Variants in CUX1 observed in about 807,000 individuals in gnomAD.
CUX1 encodes the protein cut like homeobox 1, also known as protein CASP.
Under a neutral mutation model 158.8 loss-of-function variants are expected in CUX1, and 31 were observed. That is an observed-to-expected ratio of 0.20 (90% CI 0.15 to 0.26). CUX1 has a LOEUF of 0.26. Among genes scored for constraint, CUX1 ranks in the 10% least tolerant of loss-of-function variants. The pLI is 1.00. For missense variants in CUX1, 1,589 were observed against 2,014.6 expected (o/e 0.79, Z 4.04); for synonymous variants, 879 against 862.1 (o/e 1.02, Z -0.34).
chr7:102,282,342 C>A (rs1477628538), intron 21 of CUX1, among the ~76,000 whole-genome samples: 1 of 152,176 alleles, frequency 6.6e-6, no homozygotes, highest in African/African-American at 2.4e-5. Context: ...GCCTCCATGT[C>A]TGCCAAGTTG....
intron 21 of CUX1, among the ~76,000 whole-genome samples, chr7:102,230,216 C>T (rs531732351): frequency 6.6e-6 from 1 of 152,124 alleles, no homozygotes; most frequent in South Asian, 2.1e-4. Context: ...GACAGGTGGC[C>T]TGTAACCCTA....
At chr7:101,825,809 G>C (rs57521301) in intron 1 of CUX1, among the ~76,000 whole-genome samples, 1 of 146,270 alleles carries the variant, frequency 6.8e-6, no homozygotes, top group Non-Finnish European at 1.5e-5. Context: ...GCGCGCGCGC[G>C]CGCAGTTAGT....
chr7:101,819,370 G>A (rs1401404474), intron 1 of CUX1, among the ~76,000 whole-genome samples: 3 of 152,206 alleles, frequency 2.0e-5, no homozygotes, highest in African/African-American at 7.2e-5. Flanking sequence ...GACGGGGCCC[G>A]CCAATGACTG....
intron 2 of CUX1, among the ~76,000 whole-genome samples, chr7:101,978,517 C>T (rs1003733165): frequency 4.6e-5 from 7 of 152,272 alleles, no homozygotes; most frequent in Admixed American, 1.3e-4. Flanking sequence ...CCACCACTTC[C>T]GTTCTTGGCT....
Position 101,908,360 on chromosome 7 carries a change from G to T in CUX1, c.31-7755G>T, listed in dbSNP as rs573840256. The stretch of plus-strand genomic sequence containing the variant: ...AGGGTTTCGCCATATTGGCCAGGCT[G>T]GTCTGGAACTCCTGACCTCAGGTGA... On this transcript the variant is annotated intron_variant, in intron 1 of 23. Coordinates refer to ENST00000292535, the MANE Select transcript of CUX1 (RefSeq NM_181552.4). Among the ~76,000 whole-genome samples the T allele has an allele frequency of 4.9e-3, 751 of 152,244 alleles. 4 individuals are homozygous for T. Among genetic ancestry groups the T allele is most frequent in the Non-Finnish European group, 8.1e-3 (548 of 68,016 alleles).
At chr7:101,874,411 A>G (rs1798896219) in intron 1 of CUX1, among the ~76,000 whole-genome samples, 1 of 152,050 alleles carries the variant, frequency 6.6e-6, no homozygotes, top group Admixed American at 6.6e-5. Flanking sequence ...GTGATTTGGA[A>G]CTCCCTGGGA....
At chr7:102,063,383 CTTTTTTTTTTT>C (rs11368644) in intron 3 of CUX1, among the ~76,000 whole-genome samples, 50 of 89,276 alleles carry the variant, frequency 5.6e-4, no homozygotes, top group Admixed American at 8.3e-4. Flanking sequence ...ATTTCCTTTT[CTTTTTTTTTTT>C]TTTTTTTTTT....
intron 8 of CUX1, among the ~76,000 whole-genome samples, chr7:102,149,941 G>A (rs1224944248): frequency 6.6e-6 from 1 of 152,180 alleles, no homozygotes; most frequent in Non-Finnish European, 1.5e-5. Flanking sequence ...CACCTGCAGT[G>A]TAGGTTGTGG....
intron 3 of CUX1, among the ~76,000 whole-genome samples, chr7:102,035,111 C>T (rs1366752466): frequency 3.4e-5 from 5 of 146,946 alleles, no homozygotes; most frequent in Non-Finnish European, 7.5e-5. Context: ...AAACCAGGAA[C>T]AAGACAAGAA....
At chr7:102,278,010 C>T in exon 18 of CUX1, 1 of 1,609,050 alleles carries the variant, frequency 6.2e-7, no homozygotes, top group Non-Finnish European at 8.5e-7. Context: ...AGCCTGCGCG[C>T]CGACAACATC....
intron 13 of CUX1, 38 bp from the exon 14 acceptor site, chr7:102,195,469 C>T: frequency 1.9e-6 from 3 of 1,547,936 alleles, no homozygotes; most frequent in Non-Finnish European, 1.8e-6. Context: ...GGGTGAGTGG[C>T]CGGCCCCGCA....
chr7:102,248,652 G>C lies in CUX1; in HGVS notation c.4128G>C (p.Pro1376=). 1 of 1,366,614 alleles carries C rather than the reference G, an allele frequency of 7.3e-7. No homozygotes were observed. Among genetic ancestry groups the C allele is most frequent in the Non-Finnish European group, 9.4e-7 (1 of 1,062,660 alleles). 84.7% of individuals were successfully genotyped at this position (1,366,614 alleles called of 1,614,324 possible). The change falls in exon 24 of 24, where the codon CCG becomes CCC. Residue 1376 remains proline, a synonymous_variant. Coordinates refer to ENST00000292535, the MANE Select transcript of CUX1 (RefSeq NM_181552.4). The surrounding 1 kb of genome is among the most constrained non-coding windows in gnomAD (Gnocchi z 5.8). ...GGCCGGCGGAGCAGACGGAGCCGCC[G>C]CCCTCGGGGACCCCGGGCCCGGACG... ...VPRPAEQTEP[P]PSGTPGPDDA... is the part of the protein sequence containing the mutation.
intron 9 of CUX1, among the ~76,000 whole-genome samples, chr7:102,164,128 G>C (rs187825676): frequency 2.6e-5 from 4 of 152,172 alleles, no homozygotes; most frequent in African/African-American, 9.7e-5. Context: ...ACCCCGTCCC[G>C]TCCGGGGGCT....
chr7:101,925,172 G>C (rs937751840), intron 2 of CUX1, among the ~76,000 whole-genome samples: 1 of 152,062 alleles, frequency 6.6e-6, no homozygotes, highest in African/African-American at 2.4e-5. Context: ...ACAGTGGCTC[G>C]ATCTCGGCTC....
intron 1 of CUX1, among the ~76,000 whole-genome samples, chr7:101,878,278 T>G (rs531280477): frequency 1.3e-5 from 2 of 152,324 alleles, no homozygotes; most frequent in African/African-American, 4.8e-5. Context: ...TAACTTGGAA[T>G]AACGCCACTT....
chr7:101,821,673 T>TTC (rs1792588980), intron 1 of CUX1, among the ~76,000 whole-genome samples: 1 of 39,218 alleles, frequency 2.5e-5, no homozygotes, highest in African/African-American at 8.9e-5. Flanking sequence ...TCTTTTTTCT[T>TTC]TTTTTTTTTT....
At position 101,994,043 on chromosome 7, in the gene CUX1, C is replaced by T. The variant is rs550932533; in HGVS notation, c.142-34055C>T. Among the ~76,000 whole-genome samples the T allele has an allele frequency of 7.9e-5, 12 of 152,322 alleles. No individual in the cohort carries two copies. In the East Asian group the frequency reaches 2.3e-3, roughly 29 times the overall value. The stretch of plus-strand genomic sequence containing the variant: ...CACATTGAGGCTTCCAGCCCCCTAA[C>T]CCCGGTAGTGGCCACAGTGCCCAGT... On this transcript the variant is annotated intron_variant, in intron 2 of 23. Coordinates refer to ENST00000292535, the MANE Select transcript of CUX1 (RefSeq NM_181552.4).
chr7:102,031,952 C>A (rs1411098471), intron 3 of CUX1, among the ~76,000 whole-genome samples: 1 of 146,140 alleles, frequency 6.8e-6, no homozygotes, highest in Non-Finnish European at 1.5e-5. Context: ...GAGATGGGGT[C>A]TGGCTCTATC....
chr7:102,239,633 C>A, intron 23 of CUX1, 49 bp downstream of exon 23: 1 of 1,580,054 alleles, frequency 6.3e-7, no homozygotes, highest in Non-Finnish European at 8.6e-7. Context: ...GGGGAAGGGG[C>A]TGATCTGTCC....
Sources: gnomAD v4.1 joint callset for allele counts (sites outside exome capture counted in the v4.1 genomes callset) on GRCh38, gnomAD v4.1.1 for gene constraint, Gnocchi (gnomAD v3.1) non-coding constraint, MANE v1.5 for transcripts, NCBI Gene and HGNC (gene_info 2026-07-23, HGNC 2026-07-21) for gene names.